The following CNTNAP2 variants were observed in gnomAD, a reference collection of about 807,000 sequenced individuals.
CNTNAP2 encodes contactin-associated protein-like 2.
In CNTNAP2, 98 loss-of-function variants were observed where a neutral mutation model predicts 155.2. The ratio of observed to expected loss-of-function variants is 0.63; its 90% CI spans 0.54 to 0.75. The LOEUF is 0.75. CNTNAP2 is among the 30% of genes least tolerant of loss of function. CNTNAP2 has a pLI of 0.00. For missense variants in CNTNAP2, 1,727 were observed against 1,688.1 expected (o/e 1.02, Z -0.40); for synonymous variants, 651 against 631.2 (o/e 1.03, Z -0.47).
intron 1 of CNTNAP2, among the ~76,000 whole-genome samples, chr7:146,337,027 T>C (rs1050062074): frequency 6.6e-6 from 1 of 152,200 alleles, no homozygotes. Flanking sequence ...TTAACTGATA[T>C]AAACTATATA....
intron 13 of CNTNAP2, among the ~76,000 whole-genome samples, chr7:147,694,554 T>A (rs1796135365): frequency 6.6e-6 from 1 of 152,160 alleles, no homozygotes; most frequent in Non-Finnish European, 1.5e-5. Context: ...TGTCAATTTA[T>A]TCTCATGTGA....
At chr7:147,903,342 T>C (rs1332618142) in intron 13 of CNTNAP2, among the ~76,000 whole-genome samples, 2 of 152,204 alleles carry the variant, frequency 1.3e-5, no homozygotes, top group Non-Finnish European at 2.9e-5. Flanking sequence ...TGTTAATTCA[T>C]TTGAGTTTGT....
At chr7:146,117,168 G>C (rs1797496293) in intron 1 of CNTNAP2, 195 bp downstream of exon 1, 2 of 586,924 alleles carry the variant, frequency 3.4e-6, no homozygotes, top group Non-Finnish European at 6.1e-6. Context: ...AGACAGGGTT[G>C]TGACGCTGGT....
chr7:147,514,272 A>T (rs923258434), intron 11 of CNTNAP2, among the ~76,000 whole-genome samples: 3 of 152,082 alleles, frequency 2.0e-5, no homozygotes, highest in African/African-American at 7.2e-5. Flanking sequence ...AAGGTATAAA[A>T]TATATATAGA....
intron 3 of CNTNAP2, among the ~76,000 whole-genome samples, chr7:147,010,744 A>G (rs1798608046): frequency 6.6e-6 from 1 of 152,176 alleles, no homozygotes. Flanking sequence ...GCGCAGAAGT[A>G]ATGATGGAAT....
At chr7:148,013,220 G>A (rs1277425265) in intron 15 of CNTNAP2, 1 of 152,188 alleles carries the variant, frequency 6.6e-6, no homozygotes, top group African/African-American at 2.4e-5. Context: ...TATTGTTCCA[G>A]TGTGTTGGTT....
At chr7:148,081,599 G>C (rs1301917305) in intron 15 of CNTNAP2, among the ~76,000 whole-genome samples, 2 of 151,902 alleles carry the variant, frequency 1.3e-5, no homozygotes, top group Non-Finnish European at 2.9e-5. Flanking sequence ...TCAGCTTGCG[G>C]ATGGCCTATT....
At chr7:146,600,778 C>T (rs1366033587) in intron 1 of CNTNAP2, among the ~76,000 whole-genome samples, 1 of 152,104 alleles carries the variant, frequency 6.6e-6, no homozygotes, top group Non-Finnish European at 1.5e-5. Context: ...CTATGCATTT[C>T]CAAAACCTAG....
intron 10 of CNTNAP2, among the ~76,000 whole-genome samples, chr7:147,461,692 T>TTTTG (rs1416087099): frequency 2.0e-5 from 3 of 152,200 alleles, no homozygotes; most frequent in Non-Finnish European, 4.4e-5. Flanking sequence ...TTACCATGTT[T>TTTTG]TTTGTTTGTT....
At chr7:148,021,673 T>C (rs1802281215) in intron 15 of CNTNAP2, among the ~76,000 whole-genome samples, 1 of 152,166 alleles carries the variant, frequency 6.6e-6, no homozygotes, top group Non-Finnish European at 1.5e-5. Flanking sequence ...TACTCTGTGC[T>C]CTCAGAGGAC....
intron 1 of CNTNAP2, among the ~76,000 whole-genome samples, chr7:146,271,277 A>G (rs1008210483): frequency 4.6e-5 from 7 of 152,034 alleles, no homozygotes; most frequent in African/African-American, 1.7e-4. Context: ...ATTTTCATTT[A>G]TATTTACATC....
At chr7:147,883,049 C>CT (rs558199120) in intron 13 of CNTNAP2, among the ~76,000 whole-genome samples, 25 of 152,278 alleles carry the variant, frequency 1.6e-4, no homozygotes, top group African/African-American at 6.0e-4. Context: ...ACTGATATAA[C>CT]TGTACAGCAT....
intron 8 of CNTNAP2, among the ~76,000 whole-genome samples, chr7:147,211,684 C>T (rs1451528548): frequency 6.6e-6 from 1 of 151,908 alleles, no homozygotes; most frequent in South Asian, 2.1e-4. Flanking sequence ...AATGTAAGAC[C>T]TCAAACTATA....
Position 147,395,788 on chromosome 7 carries a change from ATC to A in CNTNAP2, c.1670+10_1670+11del. 6.2e-7 allele frequency: 1 copy of A among 1,611,588 alleles called. No individual in the cohort carries two copies. The highest frequency in any genetic ancestry group is 8.5e-7 in the Non-Finnish European group (1 of 1,178,170). ...GTGTGCGATCATAGACAGGTAAATG[ATC>A]TTTTCATCCTACCTCACGTTGTCCA... is the stretch of plus-strand genomic sequence containing the variant. On this transcript the variant is annotated intron_variant, in intron 10 of 23. Transcript: ENST00000361727.
At chr7:147,747,370 A>G (rs548656808) in intron 13 of CNTNAP2, among the ~76,000 whole-genome samples, 7 of 152,236 alleles carry the variant, frequency 4.6e-5, no homozygotes, top group African/African-American at 1.4e-4. Context: ...TAGGATTCCA[A>G]GTTGATTGAA....
intron 1 of CNTNAP2, among the ~76,000 whole-genome samples, chr7:146,663,078 G>A (rs1585030836): frequency 6.6e-6 from 1 of 152,050 alleles, no homozygotes; most frequent in South Asian, 2.1e-4. Context: ...AGGAGTTCGA[G>A]ACCAGCCTGG....
At chr7:147,138,821 T>A (rs1452642765) in intron 8 of CNTNAP2, among the ~76,000 whole-genome samples, 2 of 152,002 alleles carry the variant, frequency 1.3e-5, no homozygotes, top group Non-Finnish European at 1.5e-5. Context: ...GAATAAAACA[T>A]GTTGTGTGTA....
intron 1 of CNTNAP2, among the ~76,000 whole-genome samples, chr7:146,726,539 T>C (rs1801434849): frequency 6.6e-6 from 1 of 152,170 alleles, no homozygotes. Context: ...AGGTGGGCAA[T>C]TAGATGAACT....
intron 3 of CNTNAP2, among the ~76,000 whole-genome samples, chr7:146,994,565 A>G (rs1250622749): frequency 1.3e-5 from 2 of 152,146 alleles, no homozygotes; most frequent in East Asian, 3.9e-4. Context: ...TGACTCACAT[A>G]AAGCAATTTG....
Sources: allele counts gnomAD v4.1 joint callset (sites outside exome capture counted in the v4.1 genomes callset), GRCh38; gene constraint gnomAD v4.1.1; transcripts MANE v1.5; gene names NCBI Gene and HGNC (gene_info 2026-07-23, HGNC 2026-07-21).